Variants in UBE3D observed in about 807,000 individuals in gnomAD.
The protein encoded by UBE3D is ubiquitin protein ligase E3D, also known as E3 ubiquitin-protein ligase E3D.
UBE3D carries 48 observed loss-of-function variants against 49.6 expected under a neutral mutation model. The observed-to-expected ratio is 0.97, with a 90% CI of 0.77 to 1.23. The LOEUF (loss-of-function observed/expected upper bound fraction) is 1.23, where lower values mean the gene tolerates loss of function less well. Among genes scored for constraint, UBE3D ranks in the 50% most tolerant of loss-of-function variants. UBE3D has a pLI of 0.00. For missense variants in UBE3D, 452 were observed against 468.4 expected, an observed-to-expected ratio of 0.96 and a Z score of 0.32; for synonymous variants, 189 against 174.2, an observed-to-expected ratio of 1.08 and a Z score of -0.67.
chr6:82,977,110 T>C (rs1432404696), intron 8 of UBE3D, among the ~76,000 whole-genome samples: 9 of 45,382 alleles, frequency 2.0e-4, no homozygotes, highest in African/African-American at 4.1e-4. Context: ...CAAGACTCCA[T>C]CTCAAAAAAA....
chr6:83,008,484 T>C (rs1208098221), intron 8 of UBE3D, among the ~76,000 whole-genome samples: 1 of 152,186 alleles, frequency 6.6e-6, no homozygotes, highest in Admixed American at 6.5e-5. Context: ...TGTGAAACGC[T>C]GGCTGAAGTG....
rs181793924 is a variant in UBE3D at position 82,957,309 on chromosome 6, C to T, written c.1149+3G>A. The T allele has an allele frequency of 7.1e-5, 114 of 1,611,780 alleles. 1 individual carries two copies. The Admixed American group carries it at 1.8e-3, about 26-fold the overall frequency. On this transcript the variant is annotated splice_donor_region_variant and intron_variant, in intron 9 of 9. Coordinates refer to ENST00000369747, the MANE Select transcript of UBE3D (RefSeq NM_198920.3). ...ACGGCCTAGAAAAGAAGCCATTGCT[C>T]ACCTGAAAGGAATTCACACGGCGAA...
At chr6:82,996,239 T>C (rs1779230988) in intron 8 of UBE3D, among the ~76,000 whole-genome samples, 1 of 151,648 alleles carries the variant, frequency 6.6e-6, no homozygotes, top group Admixed American at 6.6e-5. Flanking sequence ...ATCAAAAGTA[T>C]GAGGTTAGGC....
intron 5 of UBE3D, among the ~76,000 whole-genome samples, chr6:83,026,614 G>A (rs951844042): frequency 6.6e-6 from 1 of 152,028 alleles, no homozygotes; most frequent in Non-Finnish European, 1.5e-5. Context: ...TTGAAGATGT[G>A]TCAATATTTA....
In UBE3D at chr6:83,019,137, C is replaced by G; in HGVS notation, c.847-1G>C. 1 of 1,610,508 alleles carries G rather than the reference C, an allele frequency of 6.2e-7. No individual in the cohort carries two copies. Among genetic ancestry groups the G allele is most frequent in the Non-Finnish European group, 8.5e-7 (1 of 1,178,582 alleles). On this transcript the variant is annotated splice_acceptor_variant, in intron 7 of 9. Transcript: ENST00000369747. LOFTEE classifies it high-confidence loss of function. ...AACTGTCTGAATTTAAAAGCCATAG[C>G]TAAAGATGTGAAGAGAAAGTCCAAG... is the stretch of plus-strand genomic sequence containing the variant.
chr6:82,947,918 A>C (rs964425607), intron 9 of UBE3D, among the ~76,000 whole-genome samples: 4 of 152,090 alleles, frequency 2.6e-5, no homozygotes, highest in African/African-American at 9.6e-5. Context: ...AAACAGAAGA[A>C]AAACCTTCAA....
intron 8 of UBE3D, among the ~76,000 whole-genome samples, chr6:82,988,120 G>A (rs1778646955): frequency 6.6e-6 from 1 of 152,154 alleles, no homozygotes; most frequent in South Asian, 2.1e-4. Flanking sequence ...TCCTAGTTAT[G>A]CAACTAAGAA....
At chr6:82,941,442 A>G (rs1775006707) in intron 9 of UBE3D, among the ~76,000 whole-genome samples, 1 of 151,970 alleles carries the variant, frequency 6.6e-6, no homozygotes, top group Non-Finnish European at 1.5e-5. Context: ...AAGTATATAG[A>G]AAAAAAAGAG....
intron 8 of UBE3D, among the ~76,000 whole-genome samples, chr6:82,966,367 A>AATTGTACCCTTTAAAAGAACAAATTTTAT (rs1216940483): frequency 1.1e-4 from 15 of 133,720 alleles, no homozygotes; most frequent in Admixed American, 2.1e-4. Flanking sequence ...AAAACCACTG[A>AATTGTACCCTTTAAAAGAACAAATTTTAT]GGGCCGGGCG....
intron 5 of UBE3D, chr6:83,032,457 C>T (rs113151599): frequency 8.8e-5 from 31 of 350,552 alleles, no homozygotes; most frequent in African/African-American, 5.6e-4. Context: ...AATGCCTGTA[C>T]CCCCATTGTA....
At chr6:82,908,454 G>A (rs1772261926) in intron 9 of UBE3D, among the ~76,000 whole-genome samples, 1 of 152,038 alleles carries the variant, frequency 6.6e-6, no homozygotes, top group African/African-American at 2.4e-5. Context: ...ACACTATTTG[G>A]GTGACACTAA....
At chr6:82,952,683 A>C (rs1775888612) in intron 9 of UBE3D, among the ~76,000 whole-genome samples, 1 of 152,144 alleles carries the variant, frequency 6.6e-6, no homozygotes, top group South Asian at 2.1e-4. Flanking sequence ...TTCAGCCCCC[A>C]AAGTGCTGGT....
At chr6:82,926,759 T>C (rs907027264) in intron 9 of UBE3D, among the ~76,000 whole-genome samples, 3 of 152,188 alleles carry the variant, frequency 2.0e-5, no homozygotes, top group African/African-American at 7.2e-5. Context: ...TTAAGGTCTT[T>C]GTCCATTTTA....
At chr6:82,994,054 G>A (rs1779079019) in intron 8 of UBE3D, among the ~76,000 whole-genome samples, 1 of 152,062 alleles carries the variant, frequency 6.6e-6, no homozygotes, top group African/African-American at 2.4e-5. Flanking sequence ...CACACACTAG[G>A]GAAACAGGAG....
At position 82,975,737 on chromosome 6, in the gene UBE3D, CA is replaced by C. The variant is rs1777671061; in HGVS notation, c.1011-18288del. 6.6e-5 allele frequency among the ~76,000 whole-genome samples: 10 copies of C among 152,174 alleles called. 1 individual carries two copies. The South Asian group carries it at 1.5e-3, about 22-fold the overall frequency. On this transcript the variant is annotated intron_variant, in intron 8 of 9. Coordinates refer to ENST00000369747, the MANE Select transcript of UBE3D (RefSeq NM_198920.3). Reference sequence around the variant, plus strand: ...ATTTTTAAAAAACTAACCTAAAAAGCAGTCTTTTCCATGAAGAAAGGTACCT... The same window carrying C: ...ATTTTTAAAAAACTAACCTAAAAAGCGTCTTTTCCATGAAGAAAGGTACCT...
intron 8 of UBE3D, among the ~76,000 whole-genome samples, chr6:82,999,986 T>C (rs1779510138): frequency 6.6e-6 from 1 of 152,186 alleles, no homozygotes; most frequent in Admixed American, 6.5e-5. Context: ...TTGACTACTT[T>C]CTCCTTCTTA....
intron 9 of UBE3D, among the ~76,000 whole-genome samples, chr6:82,931,732 T>TA (rs2127745162): frequency 6.6e-6 from 1 of 152,324 alleles, no homozygotes; most frequent in South Asian, 2.1e-4. Flanking sequence ...ATCTAGGAAG[T>TA]AACTAACTTG....
At chr6:83,016,896 A>G (rs974040459) in intron 8 of UBE3D, among the ~76,000 whole-genome samples, 1 of 152,096 alleles carries the variant, frequency 6.6e-6, no homozygotes, top group Non-Finnish European at 1.5e-5. Context: ...AAGCCAATCT[A>G]GTCTTTTCAT....
chr6:82,967,640 T>A (rs188701068), intron 8 of UBE3D, among the ~76,000 whole-genome samples: 109 of 152,066 alleles, frequency 7.2e-4, no homozygotes, highest in African/African-American at 2.6e-3. Context: ...ACAGTTCATA[T>A]TTTTTTTCTT....
Sources: allele counts gnomAD v4.1 joint callset (sites outside exome capture counted in the v4.1 genomes callset), GRCh38; gene constraint gnomAD v4.1.1; transcripts MANE v1.5; gene names NCBI Gene and HGNC (gene_info 2026-07-23, HGNC 2026-07-21).